Variants in TLR7 observed in about 807,000 individuals in gnomAD.
TLR7 encodes the protein toll-like receptor 7.
In TLR7, 12 loss-of-function variants were observed where a neutral mutation model predicts 38.3. That is an observed-to-expected ratio of 0.31 (90% CI 0.20 to 0.51). The LOEUF is 0.51. TLR7 is among the 20% of genes least tolerant of loss of function. The pLI is 0.98. For synonymous variants in TLR7, 285 were observed against 293.8 expected, an observed-to-expected ratio of 0.97 and a Z score of 0.31; for missense variants, 504 against 743.4, an observed-to-expected ratio of 0.68 and a Z score of 3.74.
At position 12,888,167 on chromosome X, in the gene TLR7, C is replaced by T; in HGVS notation, c.2659C>T (p.Pro887Ser). The change falls in exon 3 of 3, where the codon CCA (proline) becomes TCA (serine). Residue 887 changes from proline (P) to serine (S), a missense_variant. Transcript: ENST00000380659. ...AAAGGGGTATCAGCGTCTAATATCA[C>T]CAGACTGTTGCTATGATGCTTTTAT... ...KIKGYQRLIS[P>S]DCCYDAFIVY... is the part of the protein sequence containing the mutation. 1 of 1,211,732 alleles carries T rather than the reference C, an allele frequency of 8.3e-7. No homozygotes were observed. Among genetic ancestry groups the T allele is most frequent in the South Asian group, 1.8e-5 (1 of 56,999 alleles).
intron 2 of TLR7, among the ~76,000 whole-genome samples, chrX:12,878,042 T>C (rs977697840): frequency 8.9e-5 from 10 of 111,857 alleles, no homozygotes; most frequent in Non-Finnish European, 1.5e-4. Context: ...GTGTTCTCCA[T>C]CTATAGGGGC....
intron 2 of TLR7, among the ~76,000 whole-genome samples, chrX:12,885,125 A>T (rs887613878): frequency 1.8e-5 from 2 of 112,519 alleles, no homozygotes; most frequent in African/African-American, 6.5e-5. Flanking sequence ...AAATTGCACT[A>T]AAGTCTTCAT....
chrX:12,878,074 G>A (rs187035696), intron 2 of TLR7, among the ~76,000 whole-genome samples: 80 of 111,964 alleles, frequency 7.1e-4, no homozygotes, highest in African/African-American at 2.6e-3. Flanking sequence ...TTGACATCTC[G>A]AGAAGTAGAA....
rs2042918245 is a variant in TLR7, at chrX:12,888,244, G to A, written c.2736G>A (p.Leu912=). 1 of 1,209,601 alleles carries A rather than the reference G, an allele frequency of 8.3e-7. No homozygotes were observed. The highest frequency in any genetic ancestry group is 1.8e-5 in the South Asian group (1 of 56,794). Residue 912 remains leucine (L), a synonymous_variant, in exon 3 of 3, where the codon CTG becomes CTA. Coordinates refer to ENST00000380659, the MANE Select transcript of TLR7 (RefSeq NM_016562.4). ...TGACCGAGTGGGTTTTGGCTGAGCT[G>A]GTGGCCAAACTGGAAGACCCAAGAG... ...PAVTEWVLAE[L]VAKLEDPREK...
chrX:12,879,897 C>T (rs1620233), intron 2 of TLR7, among the ~76,000 whole-genome samples: 22,720 of 110,585 alleles, frequency 0.21, 2,979 homozygotes, highest in African/African-American at 0.49. Flanking sequence ...CTCTGGACTC[C>T]ACGGGGATAA....
intron 2 of TLR7, among the ~76,000 whole-genome samples, chrX:12,875,898 T>A (rs111487020): frequency 0.023 from 2,604 of 111,572 alleles, 72 homozygotes; most frequent in African/African-American, 0.078. Flanking sequence ...AAAATCATCT[T>A]AAAAATATCT....
intron 2 of TLR7, among the ~76,000 whole-genome samples, chrX:12,883,066 G>A (rs1314766411): frequency 1.8e-5 from 2 of 111,726 alleles, no homozygotes; most frequent in African/African-American, 3.3e-5. Flanking sequence ...TGGGTCCAGG[G>A]CCTGGGATCC....
At chrX:12,870,725 T>C (rs1269703536) in intron 2 of TLR7, among the ~76,000 whole-genome samples, 1 of 111,696 alleles carries the variant, frequency 9.0e-6, no homozygotes, top group Non-Finnish European at 1.9e-5. Flanking sequence ...TTTTGTGACA[T>C]ATAAAAGTTA....
Position 12,888,340 on chromosome X carries a change from C to T in TLR7, c.2832C>T (p.Ser944=). The T allele has an allele frequency of 1.7e-6, 2 of 1,211,492 alleles. No individual in the cohort carries two copies. Among genetic ancestry groups the T allele is most frequent in the Non-Finnish European group, 2.2e-6 (2 of 895,342 alleles). ...LPGQPVLENL[S]QSIQLSKKTV... ...GGCAGCCAGTTCTGGAAAACCTTTC[C>T]CAGAGCATACAGCTTAGCAAAAAGA... Residue 944 remains serine, a synonymous_variant, in exon 3 of 3, where the codon TCC becomes TCT. Coordinates refer to ENST00000380659, the MANE Select transcript of TLR7 (RefSeq NM_016562.4).
In TLR7 at chrX:12,887,526, T is replaced by C; in HGVS notation, c.2018T>C (p.Met673Thr). The C allele has an allele frequency of 8.3e-7, 1 of 1,211,739 alleles. No individual in the cohort carries two copies. Among genetic ancestry groups the C allele is most frequent in the Non-Finnish European group, 1.1e-6 (1 of 895,404 alleles). ...SFLPSGVFDG[M>T]PPNLKNLSLA... ...TTGCCTTCTGGAGTTTTTGATGGTA[T>C]GCCTCCAAATCTAAAGAATCTCTCT... Residue 673 changes from methionine (M) to threonine (T), a missense_variant, in exon 3 of 3, where the codon ATG (methionine) becomes ACG (threonine). Met to Thr is a moderately conservative substitution (Grantham distance 81). Transcript: ENST00000380659.
At position 12,885,521 on chromosome X, in the gene TLR7, A is replaced by T. The variant is rs1480048433; in HGVS notation, c.13A>T (p.Met5Leu). 1.7e-6 allele frequency: 2 copies of T among 1,193,881 alleles called. No homozygotes were observed. The highest frequency in any genetic ancestry group is 1.7e-5 in the African/African-American group (1 of 57,447). The change falls in exon 3 of 3, where the codon ATG (methionine) becomes TTG (leucine). Residue 5 changes from methionine to leucine, a missense_variant. Met to Leu is a conservative substitution (Grantham distance 15, BLOSUM62 2). Transcript: ENST00000380659. ...TTTCTTATACTTTCAGGTGTTTCCAATGTGGACACTGAAGAGACAAATTCT... is the reference window on the plus strand; with the variant it reads ...TTTCTTATACTTTCAGGTGTTTCCATTGTGGACACTGAAGAGACAAATTCT... MVFPMWTLKRQILIL... is the reference protein window; with the variant it reads MVFPLWTLKRQILIL...
At position 12,890,102 on chromosome X, in the gene TLR7, C is replaced by G. The variant is rs200448180; in HGVS notation, c.*1444C>G. 1 of 112,695 alleles carries G rather than the reference C, an allele frequency of 8.9e-6. No homozygotes were observed. The highest frequency in any genetic ancestry group is 3.6e-4 in the South Asian group (1 of 2,767). The allele number at this position is 112,695 out of a possible 1,213,427, so 9.3% of individuals were successfully genotyped here. On this transcript the variant is annotated 3_prime_UTR_variant, in exon 3 of 3. Transcript: ENST00000380659. ...AATTCATGAGTTCAAAGATTGAAACCTGACCAATTTGCTTTATTTCATGGA... is the reference window on the plus strand; with the variant it reads ...AATTCATGAGTTCAAAGATTGAAACGTGACCAATTTGCTTTATTTCATGGA...
intron 2 of TLR7, among the ~76,000 whole-genome samples, chrX:12,874,964 T>G (rs1243436766): frequency 4.7e-5 from 5 of 105,626 alleles, no homozygotes; most frequent in Non-Finnish European, 7.7e-5. Flanking sequence ...TGGTAAATGT[T>G]TTTTTTTTTT....
chrX:12,885,333 C>A (rs1018357152), intron 2 of TLR7, among the ~76,000 whole-genome samples, 179 bp from the exon 3 acceptor site: 1 of 112,159 alleles, frequency 8.9e-6, no homozygotes, highest in African/African-American at 3.2e-5. Context: ...TAAATAGTTG[C>A]AAATCTCAGT....
rs202231595 is a variant in TLR7, at chrX:12,888,293, G to C, written c.2785G>C (p.Glu929Gln). 9.6e-5 allele frequency: 116 copies of C among 1,209,625 alleles called. No individual in the cohort carries two copies. The highest frequency in any genetic ancestry group is 1.3e-4 in the Non-Finnish European group (113 of 895,238). Reference sequence around the variant, plus strand: ...AGAGAAACATTTTAATTTATGTCTCGAGGAAAGGGACTGGTTACCAGGGCA... The same window carrying C: ...AGAGAAACATTTTAATTTATGTCTCCAGGAAAGGGACTGGTTACCAGGGCA... ...PREKHFNLCL[E>Q]ERDWLPGQPV... is the part of the protein sequence containing the mutation. Residue 929 changes from glutamate to glutamine, a missense_variant, in exon 3 of 3, where the codon GAG becomes CAG. Transcript: ENST00000380659.
intron 2 of TLR7, among the ~76,000 whole-genome samples, chrX:12,878,001 G>A (rs1208686052): frequency 8.9e-6 from 1 of 111,961 alleles, no homozygotes; most frequent in Non-Finnish European, 1.9e-5. Flanking sequence ...TGGAGTATAT[G>A]TAAAGACAAA....
At chrX:12,877,151 C>T (rs2042874368) in intron 2 of TLR7, among the ~76,000 whole-genome samples, 1 of 111,530 alleles carries the variant, frequency 9.0e-6, no homozygotes, top group Admixed American at 9.5e-5. Flanking sequence ...ACTTTTAAGT[C>T]ATCTTCTCTA....
At chrX:12,876,288 A>G (rs1400770406) in intron 2 of TLR7, among the ~76,000 whole-genome samples, 2 of 111,962 alleles carry the variant, frequency 1.8e-5, no homozygotes, top group Admixed American at 9.5e-5. Flanking sequence ...AATTTTTCCT[A>G]TAAAAACAAA....
chrX:12,876,860 G>A (rs2042872467), intron 2 of TLR7, among the ~76,000 whole-genome samples: 2 of 109,945 alleles, frequency 1.8e-5, no homozygotes, highest in Admixed American at 1.9e-4. Flanking sequence ...GCCTATCATG[G>A]TATACTATGC....
Sources: allele counts gnomAD v4.1 joint callset (sites outside exome capture counted in the v4.1 genomes callset), GRCh38; gene constraint gnomAD v4.1.1; transcripts MANE v1.5; gene names NCBI Gene and HGNC (gene_info 2026-07-23, HGNC 2026-07-21).